DLG2: variants seen among roughly 807,000 people sequenced by gnomAD.
DLG2 encodes discs large MAGUK scaffold protein 2, also known as disks large homolog 2.
In DLG2, 45 loss-of-function variants were observed where a neutral mutation model predicts 132.5. The observed-to-expected ratio is 0.34, with a 90% confidence interval of 0.27 to 0.44. The LOEUF is 0.44. DLG2 is among the 20% of genes least tolerant of loss of function. The pLI is 1.00. For missense variants in DLG2, 1,045 were observed against 1,196.9 expected (o/e 0.87, Z 1.87); for synonymous variants, 424 against 419.6 (o/e 1.01, Z -0.13).
At chr11:84,056,064 T>C (rs1488916211) in intron 11 of DLG2, among the ~76,000 whole-genome samples, 2 of 149,618 alleles carry the variant, frequency 1.3e-5, no homozygotes, top group African/African-American at 4.9e-5. Context: ...ACATGTTAAG[T>C]TTTTTTTTTC....
chr11:83,728,796 T>A (rs1159579847), intron 18 of DLG2, among the ~76,000 whole-genome samples: 1 of 152,202 alleles, frequency 6.6e-6, no homozygotes, highest in African/African-American at 2.4e-5. Flanking sequence ...TAGGTTCAGT[T>A]CCTGGGAATC....
chr11:85,065,458 T>A (rs960314702), intron 6 of DLG2, among the ~76,000 whole-genome samples: 1 of 151,602 alleles, frequency 6.6e-6, no homozygotes, highest in Admixed American at 6.6e-5. Flanking sequence ...CAGTTAGGTA[T>A]AATGATTTCC....
At chr11:84,854,221 C>A (rs192587242) in intron 6 of DLG2, among the ~76,000 whole-genome samples, 1 of 152,024 alleles carries the variant, frequency 6.6e-6, no homozygotes, top group Non-Finnish European at 1.5e-5. Context: ...CATCAAATCA[C>A]TGGCCCTCTT....
chr11:84,202,974 C>T (rs556796047), intron 8 of DLG2, among the ~76,000 whole-genome samples: 1 of 152,226 alleles, frequency 6.6e-6, no homozygotes, highest in South Asian at 2.1e-4. Context: ...CAGTTTCTCA[C>T]AAGGTTATGG....
At chr11:84,182,784 G>A (rs12807260) in intron 8 of DLG2, among the ~76,000 whole-genome samples, 9,848 of 151,900 alleles carry the variant, frequency 0.065, 392 homozygotes, top group African/African-American at 0.1. Flanking sequence ...CAGAAAATCA[G>A]TATAGAAAAT....
chr11:84,238,392 G>A (rs1474241250), intron 8 of DLG2, among the ~76,000 whole-genome samples: 1 of 152,074 alleles, frequency 6.6e-6, no homozygotes, highest in Non-Finnish European at 1.5e-5. Context: ...GCACACGCCT[G>A]TAGTCCCAGC....
intron 6 of DLG2, among the ~76,000 whole-genome samples, chr11:84,751,736 T>A (rs2066141304): frequency 6.6e-6 from 1 of 152,202 alleles, no homozygotes; most frequent in African/African-American, 2.4e-5. Context: ...AAGTGCTTAA[T>A]TAGCAACAAA....
intron 8 of DLG2, among the ~76,000 whole-genome samples, chr11:84,168,417 T>G (rs141304602): frequency 1.4e-3 from 212 of 152,348 alleles, no homozygotes; most frequent in African/African-American, 4.8e-3. Context: ...TGATTATTAT[T>G]GTTTTAGCAT....
At chr11:85,373,351 G>C (rs2085141425) in intron 3 of DLG2, among the ~76,000 whole-genome samples, 1 of 152,148 alleles carries the variant, frequency 6.6e-6, no homozygotes, top group South Asian at 2.1e-4. Flanking sequence ...AGCCTCAGAT[G>C]ATGGCCCCTC....
At chr11:84,993,090 C>T (rs1251886310) in intron 6 of DLG2, among the ~76,000 whole-genome samples, 2 of 152,162 alleles carry the variant, frequency 1.3e-5, no homozygotes, top group African/African-American at 2.4e-5. Flanking sequence ...GAATACTATG[C>T]AACCATAAAA....
chr11:84,509,898 ATAT>A (rs939269915), intron 7 of DLG2, among the ~76,000 whole-genome samples: 8 of 152,006 alleles, frequency 5.3e-5, no homozygotes, highest in African/African-American at 1.9e-4. Context: ...AGGGAAAGAG[ATAT>A]TATTAAAAAC....
intron 22 of DLG2, among the ~76,000 whole-genome samples, chr11:83,477,545 G>T (rs2092714027): frequency 6.6e-6 from 1 of 152,056 alleles, no homozygotes; most frequent in Admixed American, 6.6e-5. Context: ...AGGTTGCCAC[G>T]ATGTGTAACT....
chr11:85,332,251 A>G (rs956890154), intron 3 of DLG2, among the ~76,000 whole-genome samples: 1 of 152,148 alleles, frequency 6.6e-6, no homozygotes, highest in Non-Finnish European at 1.5e-5. Flanking sequence ...TTTGTTGTCC[A>G]TAAGTATGTC....
intron 4 of DLG2, among the ~76,000 whole-genome samples, chr11:85,263,068 G>A (rs558671673): frequency 1.3e-5 from 2 of 152,252 alleles, no homozygotes; most frequent in Admixed American, 1.3e-4. Flanking sequence ...CCCAGGAAAA[G>A]GGGGTTCCAC....
intron 6 of DLG2, among the ~76,000 whole-genome samples, chr11:85,031,283 C>A (rs2060979795): frequency 6.6e-6 from 1 of 151,962 alleles, no homozygotes; most frequent in African/African-American, 2.4e-5. Context: ...ATGTTATTCA[C>A]CTACACTTTT....
chr11:85,141,557 G>C (rs911726303), intron 5 of DLG2, among the ~76,000 whole-genome samples: 8 of 151,644 alleles, frequency 5.3e-5, no homozygotes, highest in African/African-American at 1.9e-4. Context: ...TTTTTAGCTT[G>C]ATGTAATGTC....
At chr11:85,113,252 A>G (rs772423762) in intron 5 of DLG2, among the ~76,000 whole-genome samples, 2 of 152,070 alleles carry the variant, frequency 1.3e-5, no homozygotes, top group Non-Finnish European at 1.5e-5. Flanking sequence ...CAACTGTGAA[A>G]CAGTGTTAGT....
chr11:84,334,986 A>G (rs2098477068), intron 7 of DLG2, among the ~76,000 whole-genome samples: 1 of 152,124 alleles, frequency 6.6e-6, no homozygotes, highest in African/African-American at 2.4e-5. Context: ...ATACAGCTCT[A>G]CAGGAAGAAA....
At chr11:85,452,880 C>T in intron 3 of DLG2, 1 of 194,184 alleles carries the variant, frequency 5.1e-6, no homozygotes, top group Non-Finnish European at 1.1e-5. Flanking sequence ...AACAATCTGC[C>T]TATCACATTA....
Sources: allele counts gnomAD v4.1 joint callset (sites outside exome capture counted in the v4.1 genomes callset), GRCh38; gene constraint gnomAD v4.1.1; transcripts MANE v1.5; gene names NCBI Gene and HGNC (gene_info 2026-07-23, HGNC 2026-07-21).